MBP: variants seen among roughly 807,000 people sequenced by gnomAD.
MBP encodes the protein myelin basic protein.
In MBP, 16 loss-of-function variants were observed where a neutral mutation model predicts 35.8. The observed-to-expected ratio is 0.45, with a 90% CI of 0.30 to 0.68. The LOEUF is 0.68. Among genes scored for constraint, MBP ranks in the 30% least tolerant of loss-of-function variants. MBP has a pLI of 0.08. For synonymous variants in MBP, 143 were observed against 159.6 expected (o/e 0.90, Z 0.78); for missense variants, 380 against 404.7 (o/e 0.94, Z 0.52).
intron 3 of MBP, among the ~76,000 whole-genome samples, chr18:77,021,523 G>A (rs1023504251): frequency 6.8e-5 from 9 of 132,602 alleles, no homozygotes; most frequent in African/African-American, 1.8e-4. Context: ...TCACTCTGTC[G>A]CCCAGGTTGG....
At chr18:77,064,027 C>G (rs1233228509) in intron 3 of MBP, among the ~76,000 whole-genome samples, 1 of 152,064 alleles carries the variant, frequency 6.6e-6, no homozygotes, top group African/African-American at 2.4e-5. Flanking sequence ...CTTAAAAAAA[C>G]AGTAGGCTTA....
At chr18:77,013,049 G>C (rs1209804763) in intron 4 of MBP, 1 of 985,346 alleles carries the variant, frequency 1.0e-6, no homozygotes, top group East Asian at 1.1e-4. Context: ...GAAGGACACA[G>C]TGAGCAGCTG....
rs1971685225 is a variant in MBP at position 77,017,001 on chromosome 18, G to A, written c.407C>T (p.Ser136Leu). The A allele has an allele frequency of 1.2e-6, 2 of 1,613,944 alleles. No homozygotes were observed. The highest frequency in any genetic ancestry group is 1.7e-6 in the Non-Finnish European group (2 of 1,180,014). Residue 136 changes from serine to leucine, a missense_variant, in exon 4 of 9, where the codon TCA becomes TTA. Physicochemically the swap from Ser to Leu is moderately radical, Grantham distance 145. Coordinates refer to ENST00000355994, the MANE Select transcript of MBP (RefSeq NM_001025101.2). The stretch of plus-strand genomic sequence containing the variant: ...GTGCCTCTGGGAGGGTCTCTTCTGT[G>A]ACGCCATCACATCCAGGCTCTCGGA... Reference protein sequence around the residue: ...ATSESLDVMASQKRPSQRHGS... With the variant: ...ATSESLDVMALQKRPSQRHGS...
intron 1 of MBP, among the ~76,000 whole-genome samples, chr18:77,108,115 CCT>C (rs1976337582): frequency 6.6e-6 from 1 of 152,106 alleles, no homozygotes; most frequent in Admixed American, 6.5e-5. Context: ...TGGCAGTCTG[CCT>C]TATTAGCTTC....
At chr18:77,066,225 G>T (rs543700303) in intron 3 of MBP, 73 bp downstream of exon 3, 5 of 1,118,876 alleles carry the variant, frequency 4.5e-6, no homozygotes, top group East Asian at 4.7e-5. Flanking sequence ...AAAATCAAAG[G>T]CTTCCCCGAG....
At chr18:77,009,265 C>G (rs902777663) in intron 4 of MBP, among the ~76,000 whole-genome samples, 1 of 152,166 alleles carries the variant, frequency 6.6e-6, no homozygotes, top group Non-Finnish European at 1.5e-5. Context: ...TTTGAGAAGC[C>G]GTGGCAGCCA....
At chr18:77,098,969 C>T (rs1486953924) in intron 2 of MBP, among the ~76,000 whole-genome samples, 1 of 151,398 alleles carries the variant, frequency 6.6e-6, no homozygotes, top group Non-Finnish European at 1.5e-5. Context: ...CCCCCTCCCT[C>T]TTCTCCTCTT....
At chr18:76,990,415 T>C (rs572549844) in intron 4 of MBP, among the ~76,000 whole-genome samples, 1 of 152,224 alleles carries the variant, frequency 6.6e-6, no homozygotes, top group African/African-American at 2.4e-5. Flanking sequence ...GGATTCTTGC[T>C]AAACTGGCCT....
intron 2 of MBP, among the ~76,000 whole-genome samples, chr18:77,073,924 A>G (rs1482835841): frequency 6.6e-6 from 1 of 151,820 alleles, no homozygotes; most frequent in African/African-American, 2.4e-5. Context: ...CTTTAGATGT[A>G]CTTATCGGAA....
intron 3 of MBP, among the ~76,000 whole-genome samples, chr18:77,041,785 G>T (rs1488224655): frequency 6.1e-5 from 7 of 114,976 alleles, no homozygotes; most frequent in Admixed American, 2.1e-4. Context: ...TTGTGGGGTG[G>T]GGGGAGGGGG....
intron 2 of MBP, among the ~76,000 whole-genome samples, chr18:77,070,872 G>A (rs922322496): frequency 4.6e-5 from 7 of 152,178 alleles, no homozygotes; most frequent in South Asian, 2.1e-4. Flanking sequence ...GTCGGCGGGC[G>A]GAATCCTGGT....
intron 2 of MBP, among the ~76,000 whole-genome samples, chr18:77,085,519 CA>C (rs201372978): frequency 0.014 from 2,078 of 152,238 alleles, 45 homozygotes; most frequent in African/African-American, 0.047. Flanking sequence ...AGGCTCATGA[CA>C]GTATCTGGTG....
chr18:77,016,646 C>G lies in MBP; in HGVS notation c.576+186G>C, dbSNP rs1300243875. The G allele has an allele frequency of 1.6e-5, 23 of 1,419,246 alleles. No homozygotes were observed. The Admixed American group carries it at 6.0e-4, about 37-fold the overall frequency. The allele number at this position is 1,419,246 out of a possible 1,614,324, so 87.9% of individuals were successfully genotyped here. On this transcript the variant is annotated intron_variant, in intron 4 of 8. Coordinates refer to ENST00000355994, the MANE Select transcript of MBP (RefSeq NM_001025101.2). ...TGAGGAAAAGAGGGGGTGAGTTAAA[C>G]GAAAACGTCCTAAGCAGCCACTCAG...
intron 1 of MBP, among the ~76,000 whole-genome samples, chr18:77,122,588 G>A (rs1210613263): frequency 8.5e-5 from 13 of 152,170 alleles, no homozygotes; most frequent in Non-Finnish European, 8.8e-5. Context: ...TGTCACTCAG[G>A]CTGGAGTGCA....
chr18:77,042,495 C>T (rs964625456), intron 3 of MBP, among the ~76,000 whole-genome samples: 7 of 152,222 alleles, frequency 4.6e-5, no homozygotes, highest in African/African-American at 1.7e-4. Flanking sequence ...TCTGAAAACT[C>T]TAGTGAGAAA....
intron 2 of MBP, among the ~76,000 whole-genome samples, chr18:77,089,488 G>C (rs116955381): frequency 9.2e-5 from 14 of 152,218 alleles, no homozygotes; most frequent in Non-Finnish European, 1.5e-4. Context: ...GGCACAAAAC[G>C]TGGCAGGAGC....
chr18:76,986,405 A>G lies in MBP; in HGVS notation c.751-1511T>C, dbSNP rs1222187724. 5 of 985,386 alleles carry G rather than the reference A, an allele frequency of 5.1e-6. No individual in the cohort carries two copies. In the East Asian group the frequency reaches 3.4e-4, roughly 67 times the overall value. The allele number at this position is 985,386 out of a possible 1,614,324, so 61.0% of individuals were successfully genotyped here. The stretch of plus-strand genomic sequence containing the variant: ...ATTTAGAGGTGAGGAAGATGACACC[A>G]GAGGCCTCAAGGCTTCCAGAGCACC... On this transcript the variant is annotated intron_variant, in intron 7 of 8. Coordinates refer to ENST00000355994, the MANE Select transcript of MBP (RefSeq NM_001025101.2).
chr18:77,044,296 C>T lies in MBP; in HGVS notation c.139+22002G>A, dbSNP rs1167893139. 1.3e-4 allele frequency among the ~76,000 whole-genome samples: 20 copies of T among 152,140 alleles called. No homozygotes were observed. The highest frequency in any genetic ancestry group is 9.8e-4 in the Admixed American group (15 of 15,272). Reference sequence around the variant, plus strand: ...TGGCTCAAAGACTGCATGCCTGAGACGGGGTCCAAACCCCTCTTCAACTGT... The same window carrying T: ...TGGCTCAAAGACTGCATGCCTGAGATGGGGTCCAAACCCCTCTTCAACTGT... On this transcript the variant is annotated intron_variant, in intron 3 of 8. Transcript: ENST00000355994. This position sits in a 1 kb window ranked among gnomAD's most constrained non-coding sequence, Gnocchi z 4.4.
intron 4 of MBP, among the ~76,000 whole-genome samples, chr18:77,011,701 G>T (rs1391776269): frequency 6.6e-6 from 1 of 152,344 alleles, no homozygotes; most frequent in East Asian, 1.9e-4. Context: ...CCGCTTGTAT[G>T]GGGCTCCCTC....
Sources: gnomAD v4.1 joint callset for allele counts (sites outside exome capture counted in the v4.1 genomes callset) on GRCh38, gnomAD v4.1.1 for gene constraint, Gnocchi (gnomAD v3.1) non-coding constraint, MANE v1.5 for transcripts, NCBI Gene and HGNC (gene_info 2026-07-23, HGNC 2026-07-21) for gene names.